Variants in OGFOD2 observed in about 807,000 individuals in gnomAD.
OGFOD2 encodes the protein 2-oxoglutarate and iron-dependent oxygenase domain-containing protein 2.
Under a neutral mutation model 31.1 loss-of-function variants are expected in OGFOD2, and 34 were observed. The observed-to-expected ratio is 1.09, with a 90% CI of 0.83 to 1.45. OGFOD2 has a LOEUF of 1.45. OGFOD2 is among the 40% of genes most tolerant of loss of function. OGFOD2 has a pLI of 0.00. For synonymous variants in OGFOD2, 240 were observed against 192.3 expected (o/e 1.25, Z -2.05); for missense variants, 537 against 433.9 (o/e 1.24, Z -2.11).
Position 122,975,399 on chromosome 12 carries a change from C to T in OGFOD2, c.132+16C>T, listed in dbSNP as rs554431839. ...CTACGGCCCGGTGAGTGGCCGCTGT[C>T]GTCCCTACGGAGCAGTGGGCAGAGA... On this transcript the variant is annotated intron_variant, in intron 1 of 6. Coordinates refer to ENST00000228922, the Ensembl canonical transcript of OGFOD2. The T allele has an allele frequency of 4.7e-3, 3,274 of 694,832 alleles. 18 individuals carry two copies. Among genetic ancestry groups the T allele is most frequent in the Non-Finnish European group, 5.4e-3 (2,044 of 380,198 alleles). The allele number at this position is 694,832 out of a possible 1,614,324, so 43.0% of individuals were successfully genotyped here.
intron 2 of OGFOD2, 60 bp downstream of exon 2, chr12:122,975,927 G>A (rs1419077888): frequency 5.8e-6 from 4 of 691,376 alleles, no homozygotes; most frequent in Non-Finnish European, 1.1e-5. Flanking sequence ...GCAGCTTGAG[G>A]ACACAGCTTG....
intron 2 of OGFOD2, chr12:122,976,163 T>A (rs535484494): frequency 3.4e-6 from 2 of 594,736 alleles, no homozygotes; most frequent in Non-Finnish European, 3.0e-6. Context: ...GAGGGATCCC[T>A]TGCCCAAGCT....
chr12:122,976,454 C>A, intron 2 of OGFOD2, 200 bp from the exon 3 acceptor site: 1 of 1,588,868 alleles, frequency 6.3e-7, no homozygotes, highest in Non-Finnish European at 8.6e-7. Context: ...CAGCCTGAAA[C>A]AGGATGGGTC....
intron 1 of OGFOD2, 77 bp downstream of exon 1, chr12:122,975,460 G>T (rs987804431): frequency 1.6e-6 from 1 of 610,864 alleles, no homozygotes; most frequent in Non-Finnish European, 3.0e-6. Context: ...CCCCAGGGTC[G>T]TTTGCTTTGC....
At position 122,976,081 on chromosome 12, in the gene OGFOD2, G is replaced by T. The variant is rs116429389; in HGVS notation, c.189+214G>T. On this transcript the variant is annotated intron_variant, in intron 2 of 6. Transcript: ENST00000228922. ...CTAAGTTGCTAAGTTGCCTAGTCAT[G>T]CCGTTCTTAACAGCTCTGTGAGATA... The T allele has an allele frequency of 1.3e-3, 787 of 598,240 alleles. 5 individuals carry two copies. Among genetic ancestry groups the T allele is most frequent in the African/African-American group, 0.013 (684 of 54,076 alleles). 37.1% of individuals were successfully genotyped at this position (598,240 alleles called of 1,614,324 possible).
exon 4 of OGFOD2, chr12:122,976,960 G>A (rs1218711718): frequency 6.2e-7 from 1 of 1,613,598 alleles, no homozygotes; most frequent in Non-Finnish European, 8.5e-7. Context: ...AGCGGCTGGA[G>A]ACAGTATCGG....
exon 6 of OGFOD2, chr12:122,978,901 G>A: frequency 6.2e-7 from 1 of 1,612,958 alleles, no homozygotes; most frequent in Non-Finnish European, 8.5e-7. Context: ...TACGCACCGG[G>A]CCAGGACCTG....
At chr12:122,979,429 G>C in exon 7 of OGFOD2, 1 of 1,465,114 alleles carries the variant, frequency 6.8e-7, no homozygotes, top group South Asian at 1.3e-5. Flanking sequence ...AATCCCCGCA[G>C]CCTACTGCAC....
At chr12:122,979,001 C>T in exon 6 of OGFOD2, 2 of 1,612,696 alleles carry the variant, frequency 1.2e-6, no homozygotes, top group Non-Finnish European at 1.7e-6. Flanking sequence ...ATTTTGGGGG[C>T]CTCTTCCAGG....
chr12:122,976,430 G>A, intron 2 of OGFOD2: 2 of 1,612,554 alleles, frequency 1.2e-6, no homozygotes, highest in Non-Finnish European at 1.7e-6. Flanking sequence ...ATCCCAGCTA[G>A]GCTCAGGTTG....
At chr12:122,977,711 G>A (rs775983384) in intron 4 of OGFOD2, 2 of 154,422 alleles carry the variant, frequency 1.3e-5, no homozygotes, top group East Asian at 3.8e-4. Context: ...GGGCTCCTGT[G>A]GGAGGCAGAT....
intron 4 of OGFOD2, chr12:122,977,826 G>A (rs566045620): frequency 5.8e-5 from 9 of 155,236 alleles, no homozygotes; most frequent in Admixed American, 2.5e-4. Context: ...TCCACTCCCC[G>A]GCAGCTGAGA....
At position 122,976,381 on chromosome 12, in the gene OGFOD2, G is replaced by A. The variant is rs149798197; in HGVS notation, c.190-273G>A. 8 of 1,613,848 alleles carry A rather than the reference G, an allele frequency of 5.0e-6. No homozygotes were observed. In the Admixed American group the frequency reaches 1.3e-4, roughly 27 times the overall value. ...TTGGCCATGACTGTCTCCTGTCCCT[G>A]TGTGGGCCCAGATGGTTGAGGTACA... On this transcript the variant is annotated intron_variant, in intron 2 of 6. Transcript: ENST00000228922.
At chr12:122,978,482 C>T in exon 5 of OGFOD2, 1 of 1,613,642 alleles carries the variant, frequency 6.2e-7, no homozygotes, top group Admixed American at 1.7e-5. Context: ...TCACAGCGCC[C>T]TTCTGCCAGG....
exon 1 of OGFOD2, chr12:122,975,221 C>A (rs1218965964): frequency 1.7e-6 from 1 of 603,282 alleles, no homozygotes; most frequent in Non-Finnish European, 3.1e-6. Flanking sequence ...AGTCTCTCTA[C>A]GGAAGCTGGT....
chr12:122,977,158 A>G (rs535783093), intron 4 of OGFOD2, 188 bp downstream of exon 4: 38 of 656,050 alleles, frequency 5.8e-5, no homozygotes, highest in African/African-American at 1.1e-4. Context: ...AATACCTGCC[A>G]TGAGCCTGGT....
intron 2 of OGFOD2, 123 bp downstream of exon 2, chr12:122,975,990 T>A: frequency 1.5e-6 from 1 of 649,302 alleles, no homozygotes; most frequent in Non-Finnish European, 2.9e-6. Context: ...CTCACTTTCC[T>A]CCTTCCTGCC....
At chr12:122,975,774 G>A (rs1267745455) in intron 1 of OGFOD2, 37 bp from the exon 2 acceptor site, 2 of 699,832 alleles carry the variant, frequency 2.9e-6, no homozygotes, top group Non-Finnish European at 2.6e-6. Flanking sequence ...ATTTCCTCAG[G>A]TCATACAGTC....
Position 122,976,556 on chromosome 12 carries a change from G to A in OGFOD2, c.190-98G>A, listed in dbSNP as rs1256024625. 5 of 1,301,970 alleles carry A rather than the reference G, an allele frequency of 3.8e-6. No individual in the cohort carries two copies. In the African/African-American group the frequency reaches 4.3e-5, roughly 11 times the overall value. The allele number at this position is 1,301,970 out of a possible 1,614,324, so 80.7% of individuals were successfully genotyped here. On this transcript the variant is annotated intron_variant, in intron 2 of 6. Coordinates refer to ENST00000228922, the Ensembl canonical transcript of OGFOD2. The stretch of plus-strand genomic sequence containing the variant: ...GTAGGCTAGACTTGGCTTCCAGCCT[G>A]GGCCCTGTCTGGCGTTCTGGGCTTC...
Sources: allele counts gnomAD v4.1 joint callset, GRCh38; gene constraint gnomAD v4.1.1; transcripts MANE v1.5; gene names NCBI Gene and HGNC (gene_info 2026-07-23, HGNC 2026-07-21).